SLC12A1: variants seen among roughly 807,000 people sequenced by gnomAD.
SLC12A1 encodes the protein Na-K-2Cl cotransporter.
Under a neutral mutation model 130.4 loss-of-function variants are expected in SLC12A1, and 89 were observed. The observed-to-expected ratio is 0.68, with a 90% confidence interval of 0.58 to 0.81. The LOEUF (loss-of-function observed/expected upper bound fraction) is 0.81. Ranked by LOEUF, SLC12A1 falls within the 40% of genes least tolerant of loss-of-function variation. The pLI is 0.00. For synonymous variants in SLC12A1, 499 were observed against 460.0 expected (o/e 1.08, Z -1.09); for missense variants, 1,310 against 1,336.4 (o/e 0.98, Z 0.31).
intron 9 of SLC12A1, chr15:48,235,303 C>G (rs776722944): frequency 1.4e-5 from 5 of 368,710 alleles, no homozygotes; most frequent in Non-Finnish European, 2.0e-5. Context: ...ACCACCCTTT[C>G]TCTTTTAAAC....
At chr15:48,293,671 T>A (rs931777374) in intron 24 of SLC12A1, among the ~76,000 whole-genome samples, 1 of 152,204 alleles carries the variant, frequency 6.6e-6, no homozygotes, top group African/African-American at 2.4e-5. Context: ...TTCCTACTGA[T>A]CAAACAAACT....
intron 21 of SLC12A1, among the ~76,000 whole-genome samples, chr15:48,286,058 C>CA (rs1202640198): frequency 1.3e-5 from 2 of 152,180 alleles, no homozygotes; most frequent in Non-Finnish European, 1.5e-5. Context: ...CCAAGTCAAA[C>CA]AGCAGGATCC....
intron 9 of SLC12A1, among the ~76,000 whole-genome samples, chr15:48,240,971 A>T (rs1042265273): frequency 6.6e-6 from 1 of 152,192 alleles, no homozygotes; most frequent in Non-Finnish European, 1.5e-5. Flanking sequence ...TATGGAAATT[A>T]AATATCTCCC....
At chr15:48,244,963 T>C (rs1331023152) in intron 11 of SLC12A1, 59 bp downstream of exon 11, 4 of 1,484,214 alleles carry the variant, frequency 2.7e-6, no homozygotes, top group Non-Finnish European at 3.7e-6. Context: ...GAATGTCACA[T>C]AGAGTAAGAT....
At chr15:48,278,201 G>A (rs1224428) in intron 20 of SLC12A1, among the ~76,000 whole-genome samples, 1 of 152,188 alleles carries the variant, frequency 6.6e-6, no homozygotes, top group Non-Finnish European at 1.5e-5. Context: ...CCGAGATCGC[G>A]CCACTGCACT....
chr15:48,259,121 C>A lies in SLC12A1; in HGVS notation c.2043-79C>A, dbSNP rs34482067. 5.7e-3 allele frequency: 5,299 copies of A among 922,482 alleles called. 57 individuals are homozygous for A. The highest frequency in any genetic ancestry group is 0.024 in the Middle Eastern group (82 of 3,414). The allele number at this position is 922,482 out of a possible 1,614,324, so 57.1% of individuals were successfully genotyped here. ...TGCCCCATTTTTCCAAGCCTCTGTA[C>A]CTGTCATCCCACTGGAATGGTTCTA... On this transcript the variant is annotated intron_variant, in intron 16 of 26. Coordinates refer to ENST00000380993, the MANE Select transcript of SLC12A1 (RefSeq NM_000338.3).
chr15:48,228,707 T>C (rs1276043571), intron 5 of SLC12A1: 9 of 188,142 alleles, frequency 4.8e-5, no homozygotes, highest in Admixed American at 3.2e-4. Flanking sequence ...ATTGTATATA[T>C]GTACATATAT....
chr15:48,227,121 C>T, intron 5 of SLC12A1: 2 of 1,552,222 alleles, frequency 1.3e-6, no homozygotes, highest in Non-Finnish European at 1.7e-6. Context: ...GTAGTAACGA[C>T]ACTCACAGGT....
intron 10 of SLC12A1, among the ~76,000 whole-genome samples, chr15:48,242,207 T>G (rs2041525013): frequency 6.6e-6 from 1 of 152,232 alleles, no homozygotes; most frequent in African/African-American, 2.4e-5. Flanking sequence ...TGGTTCTACC[T>G]GCTGCCTGCA....
At chr15:48,239,761 G>A (rs994625719) in intron 9 of SLC12A1, among the ~76,000 whole-genome samples, 1 of 151,044 alleles carries the variant, frequency 6.6e-6, no homozygotes, top group Non-Finnish European at 1.5e-5. Flanking sequence ...AGTGATTCTC[G>A]TGCCTCAGTC....
intron 5 of SLC12A1, chr15:48,228,680 C>T (rs1213121482): frequency 4.8e-6 from 1 of 206,960 alleles, no homozygotes; most frequent in Non-Finnish European, 1.0e-5. Context: ...TTTTATGCAG[C>T]ACATATATAT....
intron 17 of SLC12A1, among the ~76,000 whole-genome samples, chr15:48,266,771 G>A (rs1281253045): frequency 6.6e-6 from 1 of 152,170 alleles, no homozygotes; most frequent in Non-Finnish European, 1.5e-5. Flanking sequence ...ATTACATCAT[G>A]AGAAGAAAAG....
intron 17 of SLC12A1, among the ~76,000 whole-genome samples, chr15:48,266,805 G>A (rs2041836586): frequency 6.6e-6 from 1 of 152,142 alleles, no homozygotes; most frequent in African/African-American, 2.4e-5. Flanking sequence ...ATTTAAGGAA[G>A]GAGAAATAAA....
chr15:48,287,337 T>C (rs1328904108), intron 21 of SLC12A1, among the ~76,000 whole-genome samples: 1 of 151,356 alleles, frequency 6.6e-6, no homozygotes, highest in African/African-American at 2.5e-5. Flanking sequence ...CAAGTAAAGA[T>C]GTTTTGTATT....
At chr15:48,256,258 G>A (rs558332277) in intron 16 of SLC12A1, among the ~76,000 whole-genome samples, 1 of 152,208 alleles carries the variant, frequency 6.6e-6, no homozygotes, top group Non-Finnish European at 1.5e-5. Flanking sequence ...AGGCTTTAGG[G>A]CTTACTGAAT....
At chr15:48,229,158 C>T in intron 5 of SLC12A1, 31 bp from the exon 6 acceptor site, 1 of 1,567,478 alleles carries the variant, frequency 6.4e-7, no homozygotes, top group Non-Finnish European at 8.7e-7. Context: ...AGCAGTTCCT[C>T]AATGTGAAGT....
intron 17 of SLC12A1, among the ~76,000 whole-genome samples, chr15:48,259,939 T>C (rs959521764): frequency 1.3e-5 from 2 of 152,174 alleles, no homozygotes; most frequent in Non-Finnish European, 2.9e-5. Context: ...TGTTGACCAA[T>C]TTCTCAAGTG....
At chr15:48,255,030 T>C (rs1597432112) in intron 15 of SLC12A1, among the ~76,000 whole-genome samples, 1 of 152,210 alleles carries the variant, frequency 6.6e-6, no homozygotes, top group East Asian at 1.9e-4. Flanking sequence ...CTAAAATGTT[T>C]GCTAAAGAAT....
At position 48,283,702 on chromosome 15, in the gene SLC12A1, G is replaced by A. The variant is rs562320971; in HGVS notation, c.2486-1404G>A. Among the ~76,000 whole-genome samples, 15 of 152,334 alleles carry A rather than the reference G, an allele frequency of 9.8e-5. 1 individual carries two copies. The South Asian group carries it at 2.1e-3, about 21-fold the overall frequency. Reference sequence around the variant, plus strand: ...TAGCTTCGCTTCACAGATAGATAACGCAATGGGCTCCAAGGGTTGACATTT... The same window carrying A: ...TAGCTTCGCTTCACAGATAGATAACACAATGGGCTCCAAGGGTTGACATTT... On this transcript the variant is annotated intron_variant, in intron 20 of 26. Transcript: ENST00000380993.
Sources: allele counts gnomAD v4.1 joint callset (sites outside exome capture counted in the v4.1 genomes callset), GRCh38; gene constraint gnomAD v4.1.1; transcripts MANE v1.5; gene names NCBI Gene and HGNC (gene_info 2026-07-23, HGNC 2026-07-21).